XRCC5: variants seen among roughly 807,000 people sequenced by gnomAD.
XRCC5 encodes the protein X-ray repair cross complementing 5.
XRCC5 carries 12 observed loss-of-function variants against 95.7 expected under a neutral mutation model. The observed-to-expected ratio is 0.13, with a 90% CI of 0.08 to 0.20. XRCC5 has a LOEUF of 0.20. XRCC5 is among the 10% of genes least tolerant of loss of function. The pLI, the probability that XRCC5 is intolerant of heterozygous loss-of-function variation, is 1.00. For missense variants in XRCC5, 595 were observed against 873.9 expected, an observed-to-expected ratio of 0.68 and a Z score of 4.02; for synonymous variants, 281 against 290.3, an observed-to-expected ratio of 0.97 and a Z score of 0.33.
intron 16 of XRCC5, among the ~76,000 whole-genome samples, chr2:216,184,761 T>A (rs6720051): frequency 0.21 from 32,675 of 152,176 alleles, 5,216 homozygotes; most frequent in African/African-American, 0.46. Flanking sequence ...GATTACAGGC[T>A]TGAGCCGCTG....
intron 12 of XRCC5, among the ~76,000 whole-genome samples, chr2:216,138,642 C>G (rs1206688274): frequency 6.6e-6 from 1 of 152,126 alleles, no homozygotes; most frequent in Non-Finnish European, 1.5e-5. Context: ...TTATTTCTGG[C>G]TTTTAGGAGT....
intron 14 of XRCC5, among the ~76,000 whole-genome samples, chr2:216,157,577 G>A (rs1296020677): frequency 6.6e-6 from 1 of 151,944 alleles, no homozygotes; most frequent in East Asian, 1.9e-4. Flanking sequence ...GCCTATCACA[G>A]TATTTTGTTA....
chr2:216,122,126 G>T lies in XRCC5; in HGVS notation c.556G>T (p.Gly186Cys). 1 of 1,614,144 alleles carries T rather than the reference G, an allele frequency of 6.2e-7. No individual in the cohort carries two copies. Among genetic ancestry groups the T allele is most frequent in the Non-Finnish European group, 8.5e-7 (1 of 1,180,002 alleles). ...CAGAGGAGATGGCCCCTTTCGCTTA[G>T]GTGGCCATGGGCCTTCCTTTCCACT... Reference protein sequence around the residue: ...GDRGDGPFRLGGHGPSFPLKG... With the variant: ...GDRGDGPFRLCGHGPSFPLKG... The change falls in exon 6 of 21, where the codon GGT (glycine) becomes TGT (cysteine). Residue 186 changes from glycine (G) to cysteine (C), a missense_variant. By Grantham distance (159) the Gly-to-Cys change is radical. This residue lies in a region of XRCC5 where 286 missense variants were observed against 491.1 expected (regional missense o/e 0.58). Coordinates refer to ENST00000392132, the MANE Select transcript of XRCC5 (RefSeq NM_021141.4).
intron 8 of XRCC5, among the ~76,000 whole-genome samples, chr2:216,128,519 C>G (rs1377063159): frequency 3.3e-5 from 5 of 152,150 alleles, no homozygotes; most frequent in Admixed American, 2.6e-4. Context: ...ACAATTTCTA[C>G]CAGTTCTTGA....
At chr2:216,197,393 C>T (rs1423630755) in intron 19 of XRCC5, among the ~76,000 whole-genome samples, 1 of 145,658 alleles carries the variant, frequency 6.9e-6, no homozygotes, top group South Asian at 2.2e-4. Flanking sequence ...TGGGGTGAGC[C>T]GAGATCGCGC....
chr2:216,136,972 G>T, intron 10 of XRCC5, 116 bp from the exon 11 acceptor site: 1 of 1,276,174 alleles, frequency 7.8e-7, no homozygotes, highest in Non-Finnish European at 1.0e-6. Flanking sequence ...CAAGTCAGGG[G>T]GCACCCTAAA....
intron 12 of XRCC5, among the ~76,000 whole-genome samples, chr2:216,139,614 C>T (rs1697143215): frequency 6.6e-6 from 1 of 152,172 alleles, no homozygotes; most frequent in Non-Finnish European, 1.5e-5. Flanking sequence ...TCAAGCAATC[C>T]TCTTGCCTCG....
chr2:216,163,293 C>A (rs773302998), intron 16 of XRCC5, among the ~76,000 whole-genome samples: 24 of 151,920 alleles, frequency 1.6e-4, no homozygotes, highest in Non-Finnish European at 8.8e-5. Flanking sequence ...AGTCACCATG[C>A]CTGGCCAAAA....
chr2:216,167,568 G>GTT (rs969533273), intron 16 of XRCC5, among the ~76,000 whole-genome samples: 1 of 100,128 alleles, frequency 1.0e-5, no homozygotes, highest in Admixed American at 1.1e-4. Context: ...GTGTGTGTGG[G>GTT]TTTGTGTGTG....
At chr2:216,115,045 G>T (rs915157097) in intron 2 of XRCC5, among the ~76,000 whole-genome samples, 1 of 152,118 alleles carries the variant, frequency 6.6e-6, no homozygotes, top group African/African-American at 2.4e-5. Context: ...AAGGGCGCAG[G>T]GCACTTGATT....
At chr2:216,197,167 C>A (rs764717886) in intron 19 of XRCC5, among the ~76,000 whole-genome samples, 11 of 152,062 alleles carry the variant, frequency 7.2e-5, no homozygotes, top group Non-Finnish European at 1.6e-4. Context: ...TTCTGTAATG[C>A]AAATAGGATG....
chr2:216,185,050 A>G (rs1447409327), intron 16 of XRCC5, among the ~76,000 whole-genome samples: 5 of 152,062 alleles, frequency 3.3e-5, no homozygotes, highest in East Asian at 1.9e-4. Flanking sequence ...TTCCCTTTCT[A>G]TGTTGGGTAG....
chr2:216,198,542 T>TTTAG (rs1209319095), intron 19 of XRCC5, among the ~76,000 whole-genome samples: 1 of 100,180 alleles, frequency 1.0e-5, no homozygotes, highest in African/African-American at 4.6e-5. Context: ...CTTTTATTTA[T>TTTAG]TTATTTATTT....
chr2:216,148,304 C>T, intron 14 of XRCC5, 28 bp downstream of exon 14: 1 of 1,583,268 alleles, frequency 6.3e-7, no homozygotes, highest in East Asian at 2.2e-5. Flanking sequence ...TTGCATTTAA[C>T]ATTGGGGTAC....
intron 2 of XRCC5, among the ~76,000 whole-genome samples, 157 bp downstream of exon 2, chr2:216,113,286 C>T (rs1263761683): frequency 6.6e-6 from 1 of 152,174 alleles, no homozygotes; most frequent in Middle Eastern, 3.2e-3. Flanking sequence ...ACAACTTCAC[C>T]TACCACTAGA....
intron 14 of XRCC5, among the ~76,000 whole-genome samples, chr2:216,150,927 C>T (rs996570455): frequency 2.6e-5 from 4 of 151,988 alleles, no homozygotes; most frequent in African/African-American, 7.2e-5. Context: ...TAATGCTTTG[C>T]GCTATGATGT....
intron 12 of XRCC5, 85 bp from the exon 13 acceptor site, chr2:216,141,101 G>A: frequency 6.6e-7 from 1 of 1,524,976 alleles, no homozygotes; most frequent in Admixed American, 1.8e-5. Flanking sequence ...TGCCAATATT[G>A]CCGTGGATAT....
At position 216,160,188 on chromosome 2, in the gene XRCC5, C is replaced by T. The variant is rs571713828; in HGVS notation, c.1764+27C>T. On this transcript the variant is annotated intron_variant, in intron 15 of 20. Transcript: ENST00000392132. Reference sequence around the variant, plus strand: ...TAAGCTAAGCTTTTCAAGTGCGCTTCCCCCTTTGCAGGAAGGTTGGGGCTT... The same window carrying T: ...TAAGCTAAGCTTTTCAAGTGCGCTTTCCCCTTTGCAGGAAGGTTGGGGCTT... The T allele has an allele frequency of 2.4e-5, 36 of 1,516,014 alleles. 1 individual carries two copies. In the South Asian group the frequency reaches 3.8e-4, roughly 16 times the overall value. The allele number at this position is 1,516,014 out of a possible 1,614,324, so 93.9% of individuals were successfully genotyped here. A position where few individuals can be genotyped will look rare whatever the true frequency, so the allele number is the denominator to read the frequency against.
chr2:216,199,808 ATCTTTTTTT>A (rs1187111473), intron 19 of XRCC5, among the ~76,000 whole-genome samples: 7 of 121,890 alleles, frequency 5.7e-5, no homozygotes, highest in East Asian at 5.1e-4. Flanking sequence ...TGGCATTGGG[ATCTTTTTTT>A]TTTTTTTTTT....
Sources: allele counts gnomAD v4.1 joint callset (sites outside exome capture counted in the v4.1 genomes callset), GRCh38; gene constraint gnomAD v4.1.1; regional missense constraint gnomAD v4.1.1; transcripts MANE v1.5; gene names NCBI Gene and HGNC (gene_info 2026-07-23, HGNC 2026-07-21).